The following SYF2 variants were observed in gnomAD, a reference collection of about 807,000 sequenced individuals.
The protein encoded by SYF2 is SYF2 pre-mRNA splicing factor.
Under a neutral mutation model 32.7 loss-of-function variants are expected in SYF2, and 21 were observed. That is an observed-to-expected ratio of 0.64 (90% CI 0.45 to 0.92). The LOEUF (loss-of-function observed/expected upper bound fraction) is 0.92. Ranked by LOEUF, SYF2 falls within the 40% of genes least tolerant of loss-of-function variation. SYF2 has a pLI of 0.00. For synonymous variants in SYF2, 114 were observed against 103.9 expected (o/e 1.10, Z -0.59); for missense variants, 278 against 296.5 (o/e 0.94, Z 0.46).
At chr1:25,227,325 T>C in intron 5 of SYF2, 117 bp downstream of exon 5, 2 of 845,538 alleles carry the variant, frequency 2.4e-6, no homozygotes, top group South Asian at 1.9e-5. Flanking sequence ...AGACCATCCT[T>C]AGACAACTAT....
chr1:25,225,797 G>T (rs1395790273), intron 5 of SYF2, among the ~76,000 whole-genome samples: 2 of 151,422 alleles, frequency 1.3e-5, no homozygotes, highest in African/African-American at 4.9e-5. Flanking sequence ...GGCGGAGGTT[G>T]CAGTGAGCCG....
In SYF2 at chr1:25,228,101, A is replaced by G. The variant is rs754898579; in HGVS notation, c.376+17T>C. On this transcript the variant is annotated intron_variant, in intron 4 of 6. Coordinates refer to ENST00000236273, the MANE Select transcript of SYF2 (RefSeq NM_015484.5). Reference sequence around the variant, plus strand: ...CTAACAGCCCAGTCAATAAGGTTCAATAAAGGTCAATCTGACCTGAAAATC... The same window carrying G: ...CTAACAGCCCAGTCAATAAGGTTCAGTAAAGGTCAATCTGACCTGAAAATC... The G allele has an allele frequency of 2.5e-6, 4 of 1,595,452 alleles. No individual in the cohort carries two copies. The highest frequency in any genetic ancestry group is 3.3e-5 in the Admixed American group (2 of 59,778).
Position 25,223,451 on chromosome 1 carries a change from T to C in SYF2, c.567-20A>G. On this transcript the variant is annotated intron_variant, in intron 6 of 6. Transcript: ENST00000236273. ...TCAATCCTGGGGAAAGAAGAAAATT[T>C]ACAAAATTCAAAATTGCCTTCTCTT... The C allele has an allele frequency of 1.3e-6, 2 of 1,594,890 alleles. No homozygotes were observed. Among genetic ancestry groups the C allele is most frequent in the Non-Finnish European group, 1.7e-6 (2 of 1,172,998 alleles).
chr1:25,228,884 T>G (rs1638570008), intron 3 of SYF2, 114 bp downstream of exon 3: 1 of 1,338,914 alleles, frequency 7.5e-7, no homozygotes, highest in Admixed American at 2.4e-5. Context: ...AGAGCCAGAA[T>G]TTCAATTCTG....
rs933189866 is a variant in SYF2 at position 25,228,194 on chromosome 1, C to T, written c.300G>A (p.Leu100=). 1.2e-6 allele frequency: 2 copies of T among 1,613,584 alleles called. No individual in the cohort carries two copies. The highest frequency in any genetic ancestry group is 2.7e-5 in the African/African-American group (2 of 74,920). ...ARGEDYEKVK[L]LEISAEDAER... ...CTGCATCTTCTGCACTGATCTCCAG[C>T]AACTTCACTTTCTCATAGTCTTCTC... The change falls in exon 4 of 7, where the codon TTG becomes TTA. Residue 100 remains leucine (L), a synonymous_variant. Transcript: ENST00000236273.
chr1:25,230,503 TG>T (rs1418235835), intron 2 of SYF2: 1 of 152,186 alleles, frequency 6.6e-6, no homozygotes, highest in African/African-American at 2.4e-5. Flanking sequence ...TATTTAAGCA[TG>T]TCTTTTTAAT....
chr1:25,227,298 A>T (rs1638531160), intron 5 of SYF2, 144 bp downstream of exon 5: 5 of 705,724 alleles, frequency 7.1e-6, no homozygotes, highest in Non-Finnish European at 1.1e-5. Context: ...AAGGAAAAAA[A>T]TATCCAGAAA....
chr1:25,225,314 G>A (rs1037668714), intron 5 of SYF2, among the ~76,000 whole-genome samples: 4 of 151,314 alleles, frequency 2.6e-5, no homozygotes, highest in African/African-American at 9.7e-5. Flanking sequence ...GATCGTTTGA[G>A]GTCAGGAGTT....
Position 25,232,181 on chromosome 1 carries a change from G to A in SYF2, c.55C>T (p.Leu19Phe), listed in dbSNP as rs1638645094. 1.2e-6 allele frequency: 2 copies of A among 1,613,808 alleles called. No individual in the cohort carries two copies. The highest frequency in any genetic ancestry group is 1.7e-6 in the Non-Finnish European group (2 of 1,180,020). ...GCGGCCAGCTCCGCCGCCGCAGCGA[G>A]GGACCCCTCCTCCGCGCTGTCCACC... ...VLVDSAEEGS[L>F]AAAAELAAQK... The change falls in exon 2 of 7, where the codon CTC becomes TTC. Residue 19 changes from leucine (L) to phenylalanine (F), a missense_variant. Physicochemically the swap from Leu to Phe is conservative, Grantham distance 22. Coordinates refer to ENST00000236273, the MANE Select transcript of SYF2 (RefSeq NM_015484.5).
intron 1 of SYF2, 96 bp from the exon 2 acceptor site, chr1:25,232,307 G>C: frequency 1.3e-6 from 2 of 1,583,158 alleles, no homozygotes; most frequent in East Asian, 2.3e-5. Flanking sequence ...GCTGGGCCTA[G>C]GGCCTCCACC....
chr1:25,232,005 G>T, intron 2 of SYF2, 99 bp downstream of exon 2: 2 of 1,168,012 alleles, frequency 1.7e-6, no homozygotes. Flanking sequence ...CTGCTCTGTT[G>T]GTCTGTCAGA....
intron 5 of SYF2, among the ~76,000 whole-genome samples, chr1:25,225,703 C>CAA (rs1429321678): frequency 4.1e-5 from 6 of 146,758 alleles, no homozygotes; most frequent in African/African-American, 7.6e-5. Flanking sequence ...ACTAAAAATA[C>CAA]AAAAATTAGC....
chr1:25,224,430 A>AT (rs1638467683), intron 6 of SYF2, among the ~76,000 whole-genome samples: 1 of 151,904 alleles, frequency 6.6e-6, no homozygotes, highest in Non-Finnish European at 1.5e-5. Flanking sequence ...TAATTCCTGT[A>AT]TATTTTTTGT....
At chr1:25,230,042 T>C (rs1571491568) in intron 2 of SYF2, among the ~76,000 whole-genome samples, 2 of 152,284 alleles carry the variant, frequency 1.3e-5, no homozygotes, top group Non-Finnish European at 2.9e-5. Context: ...GGTCTCAAAC[T>C]CCTGGCCTCA....
chr1:25,224,512 C>G (rs1412981063), intron 6 of SYF2, among the ~76,000 whole-genome samples: 1 of 152,160 alleles, frequency 6.6e-6, no homozygotes, highest in Non-Finnish European at 1.5e-5. Flanking sequence ...TCTGCCTCAG[C>G]CTCCCAAAGT....
intron 4 of SYF2, 145 bp downstream of exon 4, chr1:25,227,973 G>T: frequency 1.6e-6 from 1 of 644,860 alleles, no homozygotes; most frequent in Non-Finnish European, 2.7e-6. Context: ...TCTCTCCTAA[G>T]AGACATATTT....
intron 2 of SYF2, 165 bp downstream of exon 2, chr1:25,231,939 C>A: frequency 1.4e-6 from 1 of 729,142 alleles, no homozygotes. Context: ...TCAGAATGAT[C>A]CCAATGTGCT....
At chr1:25,231,101 C>G (rs1459465593) in intron 2 of SYF2, 1 of 152,280 alleles carries the variant, frequency 6.6e-6, no homozygotes, top group East Asian at 1.9e-4. Flanking sequence ...CCACCGCACC[C>G]GGCCCAGTAT....
chr1:25,225,872 A>T (rs1371096591), intron 5 of SYF2, among the ~76,000 whole-genome samples: 1 of 144,690 alleles, frequency 6.9e-6, no homozygotes, highest in East Asian at 2.1e-4. Context: ...AAAAAAAAAT[A>T]GGGCCATGTG....
Sources: gnomAD v4.1 joint callset for allele counts (sites outside exome capture counted in the v4.1 genomes callset) on GRCh38, gnomAD v4.1.1 for gene constraint, MANE v1.5 for transcripts, NCBI Gene and HGNC (gene_info 2026-07-23, HGNC 2026-07-21) for gene names.